QTRT2: variants seen among roughly 807,000 people sequenced by gnomAD.
The protein encoded by QTRT2 is queuine tRNA-ribosyltransferase accessory subunit 2.
A neutral mutation model predicts 44.8 loss-of-function variants in QTRT2; 32 were observed. That is an observed-to-expected ratio of 0.71 (90% CI 0.54 to 0.96). The LOEUF (loss-of-function observed/expected upper bound fraction) is 0.96. Ranked by LOEUF, QTRT2 falls within the 40% of genes least tolerant of loss-of-function variation. The pLI is 0.00. For synonymous variants in QTRT2, 182 were observed against 187.4 expected, an observed-to-expected ratio of 0.97 and a Z score of 0.24; for missense variants, 461 against 503.1, an observed-to-expected ratio of 0.92 and a Z score of 0.80.
intron 2 of QTRT2, among the ~76,000 whole-genome samples, chr3:114,061,688 C>T (rs1442721573): frequency 6.6e-6 from 1 of 152,134 alleles, no homozygotes; most frequent in East Asian, 1.9e-4. Context: ...AGGGATCTTC[C>T]TACCTCAGAT....
chr3:114,062,280 G>C (rs1308345317), intron 2 of QTRT2, among the ~76,000 whole-genome samples: 1 of 148,350 alleles, frequency 6.7e-6, no homozygotes, highest in African/African-American at 2.5e-5. Flanking sequence ...GAGGTGGGAA[G>C]GTTACTTGAG....
Position 114,083,314 on chromosome 3 carries a change from CTGTTGTTGT to C in QTRT2, c.1016+548_1016+556del, listed in dbSNP as rs56306334. ...GTTGTTGTTGTTGCTGTTGCTGCTG[CTGTTGTTGT>C]TGTTGTTGTTGTTGTTGTTGTTGTT... On this transcript the variant is annotated intron_variant, in intron 9 of 9. Transcript: ENST00000281273. 3.2e-3 allele frequency among the ~76,000 whole-genome samples: 487 copies of C among 150,220 alleles called. 5 individuals are homozygous for C. Among genetic ancestry groups the C allele is most frequent in the Middle Eastern group, 0.01 (3 of 294 alleles).
chr3:114,056,793 C>T lies in QTRT2; in HGVS notation c.-201C>T. On this transcript the variant is annotated 5_prime_UTR_variant, in exon 1 of 10. Coordinates refer to ENST00000281273, the MANE Select transcript of QTRT2 (RefSeq NM_024638.4). ...AGTGATTTTGGGGCAGAGAATTTTG[C>T]AACACGTGGTAGTGAACTGTGAGGA... 1 of 1,524,104 alleles carries T rather than the reference C, an allele frequency of 6.6e-7. No homozygotes were observed. Among genetic ancestry groups the T allele is most frequent in the Non-Finnish European group, 8.8e-7 (1 of 1,139,870 alleles). 94.4% of individuals were successfully genotyped at this position (1,524,104 alleles called of 1,614,324 possible).
chr3:114,063,672 GCATAAAATCTCTTCTTAGA>G (rs2076916225), intron 2 of QTRT2, among the ~76,000 whole-genome samples: 1 of 151,880 alleles, frequency 6.6e-6, no homozygotes, highest in Non-Finnish European at 1.5e-5. Flanking sequence ...TTTGTGTTTA[GCATAAAATCTCTTCTTAGA>G]CCATATAGAA....
In QTRT2 at chr3:114,082,792, AAAGT is replaced by A; in HGVS notation, c.1016+2_1016+5del. 6 of 1,372,594 alleles carry A rather than the reference AAAGT, an allele frequency of 4.4e-6. No individual in the cohort carries two copies. The highest frequency in any genetic ancestry group is 6.1e-6 in the Non-Finnish European group (6 of 988,778). The allele number at this position is 1,372,594 out of a possible 1,614,324, so 85.0% of individuals were successfully genotyped here. ...CATTTGAAATTAATCTGAAGGAAAA[AAAGT>A]AAGAAATTTTTAAAAGTTTGGATTT... On this transcript the variant is annotated splice_donor_variant and coding_sequence_variant, in exon 9 of 10. Coordinates refer to ENST00000281273, the MANE Select transcript of QTRT2 (RefSeq NM_024638.4). LOFTEE classifies it high-confidence loss of function.
chr3:114,074,705 T>C (rs899639228), intron 6 of QTRT2, among the ~76,000 whole-genome samples: 2 of 152,220 alleles, frequency 1.3e-5, no homozygotes, highest in Non-Finnish European at 2.9e-5. Flanking sequence ...TGGAGAGCCA[T>C]TGTTGATTTG....
rs192404027 is a variant in QTRT2, at chr3:114,059,217, C to T, written c.-22+2111C>T. ...GTAAAGGTACAGATCCACTGACAGC[C>T]TGTCATTTGTCTTTACACTCTTAAG... is the stretch of plus-strand genomic sequence containing the variant. On this transcript the variant is annotated intron_variant, in intron 2 of 9. Transcript: ENST00000281273. 9.2e-5 allele frequency among the ~76,000 whole-genome samples: 14 copies of T among 152,318 alleles called. No individual in the cohort carries two copies. The East Asian group carries it at 2.7e-3, about 29-fold the overall frequency.
At chr3:114,068,437 C>G in intron 5 of QTRT2, 1 of 254,432 alleles carries the variant, frequency 3.9e-6, no homozygotes, top group Non-Finnish European at 8.0e-6. Context: ...AGTATTATCA[C>G]ATGTATAACT....
chr3:114,056,867 A>G lies in QTRT2; in HGVS notation c.-130+3A>G. On this transcript the variant is annotated splice_donor_region_variant and intron_variant, in intron 1 of 9. Coordinates refer to ENST00000281273, the MANE Select transcript of QTRT2 (RefSeq NM_024638.4). ...AGAGTCGAATGGTTTGTTGGCAGGT[A>G]AGTGCCCCTTTGCCCTGCTGGTGTG... is the stretch of plus-strand genomic sequence containing the variant. 1.3e-6 allele frequency: 2 copies of G among 1,535,916 alleles called. No homozygotes were observed. Among genetic ancestry groups the G allele is most frequent in the Non-Finnish European group, 1.7e-6 (2 of 1,146,772 alleles).
chr3:114,082,459 T>C lies in QTRT2; in HGVS notation c.899-218T>C, dbSNP rs117645736. ...GTAACTATAATTTGCTTAGATATTA[T>C]TGAATCTCTAAATTGTTTTGGTGTT... On this transcript the variant is annotated intron_variant, in intron 8 of 9. Transcript: ENST00000281273. 1.4e-3 allele frequency: 420 copies of C among 310,340 alleles called. 9 individuals carry two copies. In the East Asian group the frequency reaches 0.016, roughly 12 times the overall value. The allele number at this position is 310,340 out of a possible 1,614,324, so 19.2% of individuals were successfully genotyped here.
rs1289862937 is a variant in QTRT2 at position 114,085,155 on chromosome 3, ATCAG to A, written c.1017-513_1017-510del. Among the ~76,000 whole-genome samples, 3 of 152,198 alleles carry A rather than the reference ATCAG, an allele frequency of 2.0e-5. No individual in the cohort carries two copies. In the East Asian group the frequency reaches 5.8e-4, roughly 29 times the overall value. ...TTGTAACCCCAGACTCGGAGTTTGCATCAGTCAGAGAAAAACTCCAGGGTCTCCC... is the reference window on the plus strand; with the variant it reads ...TTGTAACCCCAGACTCGGAGTTTGCATCAGAGAAAAACTCCAGGGTCTCCC... On this transcript the variant is annotated intron_variant, in intron 9 of 9. Coordinates refer to ENST00000281273, the MANE Select transcript of QTRT2 (RefSeq NM_024638.4).
intron 2 of QTRT2, among the ~76,000 whole-genome samples, chr3:114,060,533 T>TAG: frequency 8.8e-6 from 1 of 113,290 alleles, no homozygotes; most frequent in East Asian, 2.6e-4. Flanking sequence ...GATAGATAGA[T>TAG]AGATAGATAG....
Position 114,070,621 on chromosome 3 carries a change from G to C in QTRT2, c.334-5G>C. The stretch of plus-strand genomic sequence containing the variant: ...CTAATTCCTCATCATTTTGCTCCAT[G>C]GCAGTCTGTGTCTGTGTGGAGTGTT... On this transcript the variant is annotated splice_region_variant and splice_polypyrimidine_tract_variant and intron_variant, in intron 5 of 9. Coordinates refer to ENST00000281273, the MANE Select transcript of QTRT2 (RefSeq NM_024638.4). 6.2e-7 allele frequency: 1 copy of C among 1,613,112 alleles called. No individual in the cohort carries two copies. Among genetic ancestry groups the C allele is most frequent in the Non-Finnish European group, 8.5e-7 (1 of 1,179,224 alleles).
chr3:114,084,350 G>A (rs187920288), intron 9 of QTRT2, among the ~76,000 whole-genome samples: 66 of 152,292 alleles, frequency 4.3e-4, no homozygotes, highest in Admixed American at 2.9e-3. Flanking sequence ...AGGCATGGTA[G>A]CTCACATCTG....
At chr3:114,079,458 C>G (rs2077135550) in intron 7 of QTRT2, 1 of 154,684 alleles carries the variant, frequency 6.5e-6, no homozygotes, top group Non-Finnish European at 1.4e-5. Flanking sequence ...AGGAGAATTA[C>G]TCCCGGAAGG....
rs921721622 is a variant in QTRT2, at chr3:114,060,302, A to G, written c.-22+3196A>G. 5.7e-4 allele frequency among the ~76,000 whole-genome samples: 87 copies of G among 152,308 alleles called. 1 individual carries two copies. Among genetic ancestry groups the G allele is most frequent in the African/African-American group, 2.0e-3 (84 of 41,580 alleles). ...AGAGAAAGGTAAGTCTTGGAAGCCAATGGTCTGGGCTTCCAGGTCTGGCTG... is the reference window on the plus strand; with the variant it reads ...AGAGAAAGGTAAGTCTTGGAAGCCAGTGGTCTGGGCTTCCAGGTCTGGCTG... On this transcript the variant is annotated intron_variant, in intron 2 of 9. Transcript: ENST00000281273.
Position 114,059,322 on chromosome 3 carries a change from G to T in QTRT2, c.-22+2216G>T, listed in dbSNP as rs955560380. 8.5e-5 allele frequency among the ~76,000 whole-genome samples: 13 copies of T among 152,224 alleles called. No individual in the cohort carries two copies. The East Asian group carries it at 2.5e-3, about 29-fold the overall frequency. ...AGCAGACCCACAACAAGTGAAAAGG[G>T]AAGGGATCATGATAAAGGCAAATAA... On this transcript the variant is annotated intron_variant, in intron 2 of 9. Transcript: ENST00000281273.
At chr3:114,066,411 C>CT in intron 4 of QTRT2, 128 bp downstream of exon 4, 1 of 611,860 alleles carries the variant, frequency 1.6e-6, no homozygotes, top group Non-Finnish European at 2.9e-6. Context: ...ATTTGAACAT[C>CT]TAAGAGCCAG....
chr3:114,063,433 G>T (rs1046322204), intron 2 of QTRT2, among the ~76,000 whole-genome samples: 2 of 152,032 alleles, frequency 1.3e-5, no homozygotes, highest in Non-Finnish European at 2.9e-5. Context: ...TTTCTTAAAT[G>T]AACCTTCTTG....
Sources: allele counts gnomAD v4.1 joint callset (sites outside exome capture counted in the v4.1 genomes callset), GRCh38; gene constraint gnomAD v4.1.1; transcripts MANE v1.5; gene names NCBI Gene and HGNC (gene_info 2026-07-23, HGNC 2026-07-21).